Variants in DLC1 observed in about 807,000 individuals in gnomAD.
DLC1 encodes the protein rho GTPase-activating protein 7.
A neutral mutation model predicts 140.3 loss-of-function variants in DLC1; 54 were observed. The observed-to-expected ratio is 0.38, with a 90% CI of 0.31 to 0.48. The LOEUF (loss-of-function observed/expected upper bound fraction) is 0.48, where lower values mean the gene tolerates loss of function less well. DLC1 is among the 20% of genes least tolerant of loss of function. The pLI is 0.96. For missense variants in DLC1, 2,536 were observed against 1,907.0 expected, an observed-to-expected ratio of 1.33 and a Z score of -6.14; for synonymous variants, 986 against 728.1, an observed-to-expected ratio of 1.35 and a Z score of -5.70.
chr8:13,457,488 C>A (rs779167967), intron 2 of DLC1, among the ~76,000 whole-genome samples: 1 of 151,806 alleles, frequency 6.6e-6, no homozygotes, highest in Admixed American at 6.6e-5. Context: ...ACCATCCTGG[C>A]CAACATGGTG....
chr8:13,167,361 A>C (rs2116907198), intron 5 of DLC1, among the ~76,000 whole-genome samples: 1 of 152,280 alleles, frequency 6.6e-6, no homozygotes, highest in African/African-American at 2.4e-5. Context: ...ACTCTTTAGT[A>C]AGCGACTCTG....
intron 1 of DLC1, among the ~76,000 whole-genome samples, chr8:13,588,444 C>T (rs1211757276): frequency 6.6e-6 from 1 of 151,902 alleles, no homozygotes; most frequent in African/African-American, 2.4e-5. Flanking sequence ...GAGCAGAGAC[C>T]CGATAAAAAC....
Position 13,431,365 on chromosome 8 carries a change from C to T in DLC1, c.1024-29746G>A, listed in dbSNP as rs563434480. Among the ~76,000 whole-genome samples, 3 of 151,596 alleles carry T rather than the reference C, an allele frequency of 2.0e-5. No homozygotes were observed. In the South Asian group the frequency reaches 6.3e-4, roughly 32 times the overall value. On this transcript the variant is annotated intron_variant, in intron 2 of 17. Transcript: ENST00000276297. ...GGGCGAGGTGACGGGTGCCTGTAGT[C>T]CCAGCTACTCGGGAGGCTGAGGCAG...
chr8:13,472,893 C>T (rs1453510579), intron 2 of DLC1, among the ~76,000 whole-genome samples: 1 of 152,116 alleles, frequency 6.6e-6, no homozygotes, highest in Non-Finnish European at 1.5e-5. Context: ...GTAAACATTT[C>T]ACTCAGCACT....
upstream of DLC1, among the ~76,000 whole-genome samples, chr8:13,518,016 G>T (rs866145567): frequency 1.3e-5 from 2 of 152,094 alleles, no homozygotes; most frequent in Non-Finnish European, 2.9e-5. Context: ...ATGTGAAACC[G>T]TTATAGTGGT....
intron 5 of DLC1, among the ~76,000 whole-genome samples, chr8:13,238,323 C>A (rs1829384920): frequency 6.6e-6 from 1 of 152,056 alleles, no homozygotes; most frequent in Non-Finnish European, 1.5e-5. Context: ...CCAGCCTGGG[C>A]AACATGGCTG....
chr8:13,601,663 AAAC>A (rs1313603967), intron 1 of DLC1, among the ~76,000 whole-genome samples: 2 of 151,688 alleles, frequency 1.3e-5, no homozygotes, highest in African/African-American at 2.4e-5. Flanking sequence ...AAACAAAACA[AAAC>A]AACAACGACA....
intron 5 of DLC1, among the ~76,000 whole-genome samples, chr8:13,283,197 T>C (rs1321962994): frequency 6.6e-6 from 1 of 152,126 alleles, no homozygotes; most frequent in African/African-American, 2.4e-5. Flanking sequence ...TTATATATGA[T>C]GGTAGGACTC....
At chr8:13,422,220 C>G (rs148971302) in intron 2 of DLC1, among the ~76,000 whole-genome samples, 1 of 151,998 alleles carries the variant, frequency 6.6e-6, no homozygotes, top group Admixed American at 6.6e-5. Context: ...ACTAATACCT[C>G]AAAGTAATCT....
intron 1 of DLC1, among the ~76,000 whole-genome samples, chr8:13,547,880 C>T (rs1367122917): frequency 2.9e-5 from 1 of 34,040 alleles, no homozygotes; most frequent in Non-Finnish European, 5.9e-5. Context: ...TCACGCGTTT[C>T]CTTTCTTGGA....
intron 9 of DLC1, among the ~76,000 whole-genome samples, 197 bp from the exon 10 acceptor site, chr8:13,098,772 C>G (rs1357604857): frequency 6.6e-6 from 1 of 152,186 alleles, no homozygotes; most frequent in African/African-American, 2.4e-5. Flanking sequence ...TGTGCCACCA[C>G]ATCTGACTCA....
chr8:13,524,288 C>T (rs188952712), intron 1 of DLC1, among the ~76,000 whole-genome samples: 16 of 151,934 alleles, frequency 1.1e-4, no homozygotes, highest in African/African-American at 3.4e-4. Flanking sequence ...CAGGTACCCA[C>T]CACCATACCA....
chr8:13,409,080 C>T (rs938595125), intron 2 of DLC1, among the ~76,000 whole-genome samples: 2 of 151,892 alleles, frequency 1.3e-5, no homozygotes, highest in African/African-American at 4.8e-5. Flanking sequence ...TGTTGTAACT[C>T]TCTGATTCAG....
chr8:13,415,015 T>C lies in DLC1; in HGVS notation c.1024-13396A>G, dbSNP rs555299382. The stretch of plus-strand genomic sequence containing the variant: ...TTATAGTAGAGACATGGTTTCACCA[T>C]GTTGGTCAGGCTGGTCTCGAACTCC... On this transcript the variant is annotated intron_variant, in intron 2 of 17. Transcript: ENST00000276297. Among the ~76,000 whole-genome samples, 7 of 152,252 alleles carry C rather than the reference T, an allele frequency of 4.6e-5. No homozygotes were observed. In the East Asian group the frequency reaches 7.8e-4, roughly 17 times the overall value.
At chr8:13,583,615 A>G (rs1194317923) in intron 1 of DLC1, among the ~76,000 whole-genome samples, 1 of 152,260 alleles carries the variant, frequency 6.6e-6, no homozygotes, top group Non-Finnish European at 1.5e-5. Context: ...GAAGCACTAT[A>G]AAACAAGGTA....
intron 5 of DLC1, among the ~76,000 whole-genome samples, chr8:13,245,963 A>C (rs1255777535): frequency 6.6e-6 from 1 of 152,086 alleles, no homozygotes; most frequent in South Asian, 2.1e-4. Flanking sequence ...CAACCCCTCA[A>C]AGTGCTGGGA....
chr8:13,206,656 A>T (rs1421838427), intron 5 of DLC1, among the ~76,000 whole-genome samples: 1 of 152,188 alleles, frequency 6.6e-6, no homozygotes, highest in East Asian at 1.9e-4. Context: ...TTTAGCAAAA[A>T]GTTAAAGCTA....
chr8:13,099,832 A>G lies in DLC1; in HGVS notation c.2505T>C (p.Ser835=). 6.2e-7 allele frequency: 1 copy of G among 1,614,218 alleles called. No homozygotes were observed. The highest frequency in any genetic ancestry group is 8.5e-7 in the Non-Finnish European group (1 of 1,180,050). The part of the protein sequence containing the change: ...GSFSPSGNNG[S]VNWRTGSFHG... ...GGAAGCTTCCCGTCCTCCAGTTCAC[A>G]GAGCCGTTATTCCCCGAGGGGGAGA... Residue 835 remains serine, a synonymous_variant, in exon 9 of 18, where the codon TCT becomes TCC. Coordinates refer to ENST00000276297, the MANE Select transcript of DLC1 (RefSeq NM_182643.3).
intron 2 of DLC1, among the ~76,000 whole-genome samples, chr8:13,407,992 C>CTT (rs3830246): frequency 1.3e-5 from 2 of 152,036 alleles, no homozygotes; most frequent in Non-Finnish European, 2.9e-5. Context: ...TATTAAATCT[C>CTT]TTTTTTTAGA....
Sources: allele counts gnomAD v4.1 joint callset (sites outside exome capture counted in the v4.1 genomes callset), GRCh38; gene constraint gnomAD v4.1.1; transcripts MANE v1.5; gene names NCBI Gene and HGNC (gene_info 2026-07-23, HGNC 2026-07-21).